The following SLC4A10 variants were observed in gnomAD, a reference collection of about 807,000 sequenced individuals.
The protein encoded by SLC4A10 is sodium-driven chloride bicarbonate exchanger.
SLC4A10 carries 42 observed loss-of-function variants against 137.7 expected under a neutral mutation model. The observed-to-expected ratio is 0.30, with a 90% confidence interval of 0.24 to 0.39. The LOEUF is 0.39. Ranked by LOEUF, SLC4A10 falls within the 10% of genes least tolerant of loss-of-function variation. SLC4A10 has a pLI of 1.00. For synonymous variants in SLC4A10, 474 were observed against 464.1 expected (o/e 1.02, Z -0.27); for missense variants, 925 against 1,355.0 (o/e 0.68, Z 4.98).
At chr2:161,776,856 G>GGTGTGTGTGTGTGT (rs71009340) in intron 2 of SLC4A10, among the ~76,000 whole-genome samples, 19 of 143,222 alleles carry the variant, frequency 1.3e-4, no homozygotes, top group African/African-American at 4.9e-4. Flanking sequence ...CTTATTTTCT[G>GGTGTGTGTGTGTGT]GTGTGTGTGT....
intron 3 of SLC4A10, among the ~76,000 whole-genome samples, chr2:161,816,838 C>T (rs963045926): frequency 7.2e-5 from 11 of 152,074 alleles, no homozygotes; most frequent in African/African-American, 2.4e-4. Flanking sequence ...CATAGTATTC[C>T]ATGGTGTATA....
intron 21 of SLC4A10, among the ~76,000 whole-genome samples, chr2:161,960,065 T>C (rs1254409945): frequency 6.6e-6 from 1 of 151,944 alleles, no homozygotes; most frequent in Non-Finnish European, 1.5e-5. Context: ...CTGTGGTCCT[T>C]ATAAGAAGAG....
chr2:161,982,583 C>T (rs1471341033), intron 26 of SLC4A10, among the ~76,000 whole-genome samples: 4 of 152,114 alleles, frequency 2.6e-5, no homozygotes, highest in Non-Finnish European at 5.9e-5. Context: ...TGAGGTGAAG[C>T]ATCATTCCTC....
chr2:161,652,376 A>T lies in SLC4A10; in HGVS notation c.48+27810A>T, dbSNP rs77868515. The stretch of plus-strand genomic sequence containing the variant: ...ATTGTTACAGCTTTGGGCATTGGTA[A>T]TTTTTTCTTGTTGTTTTGAGGGATC... On this transcript the variant is annotated intron_variant, in intron 1 of 26. Transcript: ENST00000446997. Among the ~76,000 whole-genome samples, 50 of 152,110 alleles carry T rather than the reference A, an allele frequency of 3.3e-4. No individual in the cohort carries two copies. The East Asian group carries it at 9.1e-3, about 28-fold the overall frequency.
intron 4 of SLC4A10, among the ~76,000 whole-genome samples, chr2:161,849,016 AT>A (rs1034267791): frequency 6.6e-6 from 1 of 151,744 alleles, no homozygotes; most frequent in Admixed American, 6.6e-5. Context: ...TTTAATTTTG[AT>A]TTTTTTCCTA....
intron 18 of SLC4A10, 61 bp from the exon 19 acceptor site, chr2:161,950,626 T>A (rs1694633119): frequency 6.6e-7 from 1 of 1,508,838 alleles, no homozygotes; most frequent in Non-Finnish European, 9.0e-7. Context: ...CTGTAAGACC[T>A]AATTTGATCA....
intron 5 of SLC4A10, among the ~76,000 whole-genome samples, chr2:161,859,702 GC>G (rs1411959010): frequency 7.2e-6 from 1 of 139,634 alleles, no homozygotes; most frequent in East Asian, 2.4e-4. Context: ...CCGGGTTCAC[GC>G]CATTCCCCTG....
At chr2:161,750,116 GTATT>G (rs1265954335) in intron 1 of SLC4A10, among the ~76,000 whole-genome samples, 2 of 151,482 alleles carry the variant, frequency 1.3e-5, no homozygotes, top group East Asian at 3.9e-4. Flanking sequence ...ATTTCTGACT[GTATT>G]TATTTGAGTC....
intron 1 of SLC4A10, among the ~76,000 whole-genome samples, chr2:161,646,348 T>A (rs1271556196): frequency 6.6e-6 from 1 of 152,036 alleles, no homozygotes; most frequent in Admixed American, 6.5e-5. Context: ...TTTTAGGAAC[T>A]GAAATTTGCT....
At chr2:161,663,592 G>T (rs1360997947) in intron 1 of SLC4A10, among the ~76,000 whole-genome samples, 1 of 152,086 alleles carries the variant, frequency 6.6e-6, no homozygotes, top group South Asian at 2.1e-4. Context: ...AAGATTTAAA[G>T]TGAGGGAAAA....
intron 3 of SLC4A10, among the ~76,000 whole-genome samples, chr2:161,806,136 T>C (rs1225719503): frequency 6.6e-6 from 1 of 152,188 alleles, no homozygotes; most frequent in Admixed American, 6.5e-5. Context: ...GCCTGAGCTC[T>C]ACATTTGTCC....
chr2:161,818,566 G>A, intron 3 of SLC4A10, among the ~76,000 whole-genome samples: 1 of 152,132 alleles, frequency 6.6e-6, no homozygotes, highest in Non-Finnish European at 1.5e-5. Flanking sequence ...AGTTTTCAAA[G>A]GGAATGCTTC....
At chr2:161,943,627 G>A (rs975487552) in intron 16 of SLC4A10, among the ~76,000 whole-genome samples, 2 of 151,834 alleles carry the variant, frequency 1.3e-5, no homozygotes, top group Non-Finnish European at 2.9e-5. Flanking sequence ...ATTTGAAAAT[G>A]TGTTCTACTT....
chr2:161,869,187 G>A (rs1378052892), intron 6 of SLC4A10, among the ~76,000 whole-genome samples: 6 of 151,616 alleles, frequency 4.0e-5, no homozygotes, highest in Non-Finnish European at 7.4e-5. Context: ...ACTTCTGGCT[G>A]AAGGTAAAAT....
At chr2:161,725,562 T>C (rs1473118815) in intron 1 of SLC4A10, among the ~76,000 whole-genome samples, 1 of 152,230 alleles carries the variant, frequency 6.6e-6, no homozygotes, top group African/African-American at 2.4e-5. Flanking sequence ...ATTTCAGTTC[T>C]AGTTCTAGCT....
chr2:161,667,137 A>G (rs1464355077), intron 1 of SLC4A10, among the ~76,000 whole-genome samples: 1 of 151,666 alleles, frequency 6.6e-6, no homozygotes, highest in Non-Finnish European at 1.5e-5. Flanking sequence ...GTTGAGAGAT[A>G]TAATCGAGCT....
chr2:161,720,923 G>A (rs2045591259), intron 1 of SLC4A10, among the ~76,000 whole-genome samples: 1 of 151,764 alleles, frequency 6.6e-6, no homozygotes, highest in African/African-American at 2.4e-5. Flanking sequence ...TCTGCCCCCA[G>A]GTTCAAGTAA....
chr2:161,920,967 G>A (rs2105500510), intron 15 of SLC4A10, among the ~76,000 whole-genome samples: 1 of 152,254 alleles, frequency 6.6e-6, no homozygotes, highest in Non-Finnish European at 1.5e-5. Flanking sequence ...GATGTCCTTT[G>A]GACATGATAT....
chr2:161,965,922 G>A (rs905582276), intron 23 of SLC4A10, among the ~76,000 whole-genome samples: 3 of 152,124 alleles, frequency 2.0e-5, no homozygotes, highest in African/African-American at 7.2e-5. Context: ...TTAGCAGGAT[G>A]ATTGAGCCCA....
Sources: gnomAD v4.1 joint callset for allele counts (sites outside exome capture counted in the v4.1 genomes callset) on GRCh38, gnomAD v4.1.1 for gene constraint, MANE v1.5 for transcripts, NCBI Gene and HGNC (gene_info 2026-07-23, HGNC 2026-07-21) for gene names.